The following PDE4D variants were observed in gnomAD, a reference collection of about 807,000 sequenced individuals.
PDE4D encodes phosphodiesterase 4D.
In PDE4D, 24 loss-of-function variants were observed where a neutral mutation model predicts 87.4. The observed-to-expected ratio is 0.27, with a 90% confidence interval of 0.20 to 0.39. The LOEUF (loss-of-function observed/expected upper bound fraction) is 0.39. PDE4D is among the 10% of genes least tolerant of loss of function. The probability of loss-of-function intolerance (pLI) is 1.00; values close to 1 mark genes in which losing one functional copy is unlikely to be tolerated. For synonymous variants in PDE4D, 384 were observed against 383.2 expected (o/e 1.00, Z -0.02); for missense variants, 714 against 1,041.0 (o/e 0.69, Z 4.32).
At chr5:60,405,021 G>A (rs544946385) in intron 1 of PDE4D, among the ~76,000 whole-genome samples, 75 of 152,318 alleles carry the variant, frequency 4.9e-4, no homozygotes, top group African/African-American at 1.8e-3. Flanking sequence ...GAACAATAGA[G>A]CCTTCTGACA....
At chr5:59,789,969 T>C (rs1416721529) in intron 1 of PDE4D, among the ~76,000 whole-genome samples, 4 of 152,228 alleles carry the variant, frequency 2.6e-5, no homozygotes, top group Non-Finnish European at 4.4e-5. Flanking sequence ...GGAAGAGTTC[T>C]TTCTGTACGT....
At chr5:60,337,216 G>A (rs554880789) in intron 1 of PDE4D, among the ~76,000 whole-genome samples, 24 of 149,438 alleles carry the variant, frequency 1.6e-4, no homozygotes, top group South Asian at 4.2e-4. Flanking sequence ...ACCTATAATC[G>A]TAGCTACTTG....
intron 1 of PDE4D, among the ~76,000 whole-genome samples, chr5:59,775,945 C>T (rs1764035885): frequency 1.3e-5 from 2 of 152,132 alleles, no homozygotes; most frequent in Admixed American, 1.3e-4. Flanking sequence ...CCATACATAA[C>T]ATCTGTTCCA....
intron 5 of PDE4D, among the ~76,000 whole-genome samples, chr5:59,170,951 G>A (rs1023845295): frequency 6.7e-6 from 1 of 148,978 alleles, no homozygotes; most frequent in East Asian, 2.0e-4. Flanking sequence ...GTGCCATCTC[G>A]GCTCACTGTA....
chr5:59,432,512 C>A (rs1486534916), intron 1 of PDE4D, among the ~76,000 whole-genome samples: 1 of 151,960 alleles, frequency 6.6e-6, no homozygotes. Flanking sequence ...AACATTTTTC[C>A]CTTTAATAGG....
chr5:59,682,586 G>A (rs780727925), intron 1 of PDE4D, among the ~76,000 whole-genome samples: 2 of 152,284 alleles, frequency 1.3e-5, no homozygotes, highest in Middle Eastern at 3.4e-3. Context: ...ATGAGATTAT[G>A]GGGACAGAGC....
chr5:59,929,603 G>A (rs549118750), intron 3 of PDE4D, among the ~76,000 whole-genome samples: 1 of 152,062 alleles, frequency 6.6e-6, no homozygotes, highest in African/African-American at 2.4e-5. Flanking sequence ...TATGTTAAGT[G>A]TCTGAAAATG....
chr5:60,015,069 A>G (rs1435135247), intron 2 of PDE4D, among the ~76,000 whole-genome samples: 1 of 152,148 alleles, frequency 6.6e-6, no homozygotes, highest in African/African-American at 2.4e-5. Flanking sequence ...CTTGCTAGCG[A>G]TACAACAATC....
At chr5:59,051,096 G>C (rs1350064364) in intron 5 of PDE4D, among the ~76,000 whole-genome samples, 1 of 152,212 alleles carries the variant, frequency 6.6e-6, no homozygotes, top group Non-Finnish European at 1.5e-5. Context: ...TTTAGACCAG[G>C]CACAGTGGCT....
chr5:59,559,069 A>G (rs576168367), intron 1 of PDE4D, among the ~76,000 whole-genome samples: 2 of 152,236 alleles, frequency 1.3e-5, no homozygotes, highest in African/African-American at 2.4e-5. Context: ...TATTTAAATC[A>G]AATTATGGCT....
At chr5:59,788,741 A>C (rs931395240) in intron 1 of PDE4D, among the ~76,000 whole-genome samples, 1 of 152,214 alleles carries the variant, frequency 6.6e-6, no homozygotes, top group Non-Finnish European at 1.5e-5. Flanking sequence ...TGCTTCAGCA[A>C]ATGTGGGAAA....
intron 2 of PDE4D, among the ~76,000 whole-genome samples, chr5:60,051,737 A>G (rs1210050851): frequency 1.3e-5 from 2 of 152,166 alleles, no homozygotes; most frequent in African/African-American, 2.4e-5. Flanking sequence ...CAAAAAATCA[A>G]TGAATCCAGG....
At chr5:60,165,922 T>G (rs952270316) in intron 2 of PDE4D, among the ~76,000 whole-genome samples, 1 of 151,888 alleles carries the variant, frequency 6.6e-6, no homozygotes, top group Non-Finnish European at 1.5e-5. Context: ...TGTTCACTGT[T>G]TTCTAGTTGT....
At chr5:59,914,910 T>C (rs1753873485) in intron 3 of PDE4D, among the ~76,000 whole-genome samples, 1 of 138,502 alleles carries the variant, frequency 7.2e-6, no homozygotes. Flanking sequence ...TGTGTGTGTG[T>C]GTATGTGTGT....
chr5:60,037,073 T>C (rs1049559002), intron 2 of PDE4D, among the ~76,000 whole-genome samples: 7 of 152,192 alleles, frequency 4.6e-5, no homozygotes, highest in African/African-American at 1.7e-4. Flanking sequence ...GCATGCCAGG[T>C]TAATTCACAT....
chr5:60,265,724 C>G (rs1161648115), intron 1 of PDE4D, among the ~76,000 whole-genome samples: 1 of 152,138 alleles, frequency 6.6e-6, no homozygotes, highest in Non-Finnish European at 1.5e-5. Flanking sequence ...AGCTCAAGCA[C>G]ATAAAAGGGG....
At chr5:59,470,221 A>G (rs1428929247) in intron 1 of PDE4D, among the ~76,000 whole-genome samples, 2 of 152,134 alleles carry the variant, frequency 1.3e-5, no homozygotes, top group African/African-American at 4.8e-5. Flanking sequence ...ATTTAATGAA[A>G]CTGCAGGGAC....
At chr5:59,674,120 G>A (rs1474732581) in intron 1 of PDE4D, among the ~76,000 whole-genome samples, 1 of 152,032 alleles carries the variant, frequency 6.6e-6, no homozygotes, top group Non-Finnish European at 1.5e-5. Context: ...AAAATAAATA[G>A]CATACTATTT....
At chr5:60,306,060 TTAGA>T (rs1386509265) in intron 1 of PDE4D, among the ~76,000 whole-genome samples, 1 of 152,088 alleles carries the variant, frequency 6.6e-6, no homozygotes, top group Non-Finnish European at 1.5e-5. Context: ...TGTTCATATA[TTAGA>T]TAGAGGCAGA....
Sources: gnomAD v4.1 joint callset for allele counts (sites outside exome capture counted in the v4.1 genomes callset) on GRCh38, gnomAD v4.1.1 for gene constraint, MANE v1.5 for transcripts, NCBI Gene and HGNC (gene_info 2026-07-23, HGNC 2026-07-21) for gene names.